The following VPS39 variants were observed in gnomAD, a reference collection of about 807,000 sequenced individuals.
VPS39 encodes the protein VPS39 subunit of HOPS complex.
A neutral mutation model predicts 121.0 loss-of-function variants in VPS39; 70 were observed. That is an observed-to-expected ratio of 0.58 (90% CI 0.48 to 0.71). The LOEUF (loss-of-function observed/expected upper bound fraction) is 0.71, where lower values mean the gene tolerates loss of function less well. Ranked by LOEUF, VPS39 falls within the 30% of genes least tolerant of loss-of-function variation. VPS39 has a pLI of 0.00. For synonymous variants in VPS39, 378 were observed against 398.1 expected (o/e 0.95, Z 0.60); for missense variants, 818 against 1,051.5 (o/e 0.78, Z 3.07).
At chr15:42,188,116 G>A (rs1167312952) in intron 5 of VPS39, among the ~76,000 whole-genome samples, 1 of 152,154 alleles carries the variant, frequency 6.6e-6, no homozygotes, top group Non-Finnish European at 1.5e-5. Context: ...ACAATTCAGA[G>A]GAGAAAATCC....
rs1453874414 is a variant in VPS39 at position 42,173,838 on chromosome 15, ATCATC to A, written c.970_974del (p.Asp324PhefsTer2). ...TTTGTTGCTGCTTTTCACTGTCAGA[ATCATC>A]TTTCATTTCCTAATAACGGAGCAGA... On this transcript the variant is annotated frameshift_variant, in exon 11 of 25. Transcript: ENST00000318006. LOFTEE classifies it high-confidence loss of function. 1 of 1,614,216 alleles carries A rather than the reference ATCATC, an allele frequency of 6.2e-7. No homozygotes were observed. Among genetic ancestry groups the A allele is most frequent in the Non-Finnish European group, 8.5e-7 (1 of 1,180,016 alleles).
At position 42,166,778 on chromosome 15, in the gene VPS39, C is replaced by T. The variant is rs375062335; in HGVS notation, c.1513G>A (p.Glu505Lys). The T allele has an allele frequency of 6.2e-6, 10 of 1,614,080 alleles. No individual in the cohort carries two copies. Among genetic ancestry groups the T allele is most frequent in the Non-Finnish European group, 8.5e-6 (10 of 1,179,928 alleles). Residue 505 changes from glutamate to lysine, a missense_variant, in exon 14 of 25, where the codon GAG becomes AAG. Coordinates refer to ENST00000318006, the MANE Select transcript of VPS39 (RefSeq NM_015289.5). ...CAAGGAACCACTCCCACACCTTTCT[C>T]GTGGAGCCCCTTCTTCTCATACAGG... ...IILYEKKGLH[E>K]KALQVLVDQS...
At chr15:42,198,997 G>A (rs2050005625) in intron 2 of VPS39, among the ~76,000 whole-genome samples, 1 of 152,200 alleles carries the variant, frequency 6.6e-6, no homozygotes, top group African/African-American at 2.4e-5. Flanking sequence ...GAGTGCACTA[G>A]TAAGGTGCTT....
intron 2 of VPS39, among the ~76,000 whole-genome samples, chr15:42,197,482 G>A (rs2049967108): frequency 6.6e-6 from 1 of 152,082 alleles, no homozygotes; most frequent in Admixed American, 6.5e-5. Context: ...GAACCCAGGA[G>A]GTTGAGGCTG....
Position 42,159,228 on chromosome 15 carries a change from G to A in VPS39, c.*1526C>T, listed in dbSNP as rs757695340. On this transcript the variant is annotated 3_prime_UTR_variant, in exon 25 of 25. Transcript: ENST00000318006. ...ACTGTCTCTTCAGGCCCCCACGGAC[G>A]GCATGCCTGGGGAAGCCTAGTCTAC... The A allele has an allele frequency of 6.6e-6, 1 of 152,232 alleles. No individual in the cohort carries two copies. The highest frequency in any genetic ancestry group is 2.4e-5 in the African/African-American group (1 of 41,422). The allele number at this position is 152,232 out of a possible 1,614,324, so 9.4% of individuals were successfully genotyped here.
intron 10 of VPS39, among the ~76,000 whole-genome samples, chr15:42,175,479 C>T (rs751484926): frequency 1.3e-5 from 2 of 152,054 alleles, no homozygotes; most frequent in Non-Finnish European, 1.5e-5. Context: ...GGGAAAGGTC[C>T]TATTCTCAGT....
intron 7 of VPS39, 79 bp downstream of exon 7, chr15:42,187,192 C>T (rs2049720690): frequency 2.6e-6 from 3 of 1,134,386 alleles, no homozygotes; most frequent in African/African-American, 1.6e-5. Flanking sequence ...TTAAAGTGGT[C>T]GCTTGACCTG....
At chr15:42,190,992 T>C in intron 4 of VPS39, 133 bp downstream of exon 4, 1 of 937,620 alleles carries the variant, frequency 1.1e-6, no homozygotes. Flanking sequence ...ATTAACCATG[T>C]ACCCTGTTAT....
intron 8 of VPS39, 38 bp downstream of exon 8, chr15:42,184,479 A>C (rs2049657308): frequency 6.4e-7 from 1 of 1,556,050 alleles, no homozygotes; most frequent in Non-Finnish European, 8.7e-7. Context: ...ACACAACCTC[A>C]ACCCAAAGTG....
intron 11 of VPS39, among the ~76,000 whole-genome samples, chr15:42,171,277 G>C (rs1017074739): frequency 2.0e-5 from 3 of 152,194 alleles, no homozygotes; most frequent in Non-Finnish European, 4.4e-5. Flanking sequence ...CCAGAAACAG[G>C]ATATGAGATT....
intron 18 of VPS39, 109 bp downstream of exon 18, chr15:42,164,887 C>T: frequency 1.3e-6 from 2 of 1,524,068 alleles, no homozygotes; most frequent in South Asian, 2.6e-5. Context: ...AACTTCTGCG[C>T]ACCTGGGCAG....
chr15:42,197,510 G>A lies in VPS39; in HGVS notation c.139+2386C>T, dbSNP rs1006757173. ...TGAGGCTGCAGTGAGCCAAGATAGC[G>A]CCACTACACTCCAGCCTAGGCGACA... On this transcript the variant is annotated intron_variant, in intron 2 of 24. Transcript: ENST00000318006. 2.6e-5 allele frequency among the ~76,000 whole-genome samples: 4 copies of A among 151,936 alleles called. 1 individual carries two copies. The highest frequency in any genetic ancestry group is 2.1e-4 in the South Asian group (1 of 4,820).
At chr15:42,192,790 T>A (rs577968284) in intron 2 of VPS39, among the ~76,000 whole-genome samples, 1 of 152,316 alleles carries the variant, frequency 6.6e-6, no homozygotes, top group Admixed American at 6.5e-5. Flanking sequence ...TTGTTTTGTT[T>A]TTTTTTGAGA....
intron 2 of VPS39, among the ~76,000 whole-genome samples, chr15:42,193,533 T>A (rs28824024): frequency 8.5e-5 from 13 of 152,136 alleles, no homozygotes; most frequent in Non-Finnish European, 1.6e-4. Flanking sequence ...TGGTCTACCT[T>A]ACACTTTGAA....
In VPS39 at chr15:42,162,447, G is replaced by A; in HGVS notation, c.2210C>T (p.Pro737Leu). ...YLSLLRMYLS[P>L]PSIHCLGPIK... ...TGGCCCCAGGCAGTGAATGCTGGGG[G>A]GCGACAGGTACATCCGAAGCAGGGA... The change falls in exon 22 of 25, where the codon CCC (proline) becomes CTC (leucine). Residue 737 changes from proline to leucine, a missense_variant. Physicochemically the swap from Pro to Leu is moderately conservative, Grantham distance 98 (BLOSUM62 -3). Transcript: ENST00000318006. 1 of 1,611,988 alleles carries A rather than the reference G, an allele frequency of 6.2e-7. No individual in the cohort carries two copies. Among genetic ancestry groups the A allele is most frequent in the Non-Finnish European group, 8.5e-7 (1 of 1,178,674 alleles).
intron 10 of VPS39, among the ~76,000 whole-genome samples, chr15:42,176,231 T>C (rs1346970094): frequency 2.0e-5 from 3 of 152,184 alleles, no homozygotes; most frequent in Admixed American, 2.0e-4. Context: ...CTCTGAGACC[T>C]TTCTGCTAAG....
At chr15:42,206,487 G>C (rs1036062051) in intron 1 of VPS39, among the ~76,000 whole-genome samples, 8 of 152,184 alleles carry the variant, frequency 5.3e-5, no homozygotes, top group African/African-American at 1.4e-4. Flanking sequence ...AACCACAGGT[G>C]CAAGGAATCT....
rs1428748135 is a variant in VPS39 at position 42,166,873 on chromosome 15, T to C, written c.1418A>G (p.Asn473Ser). 1.9e-6 allele frequency: 3 copies of C among 1,614,132 alleles called. No homozygotes were observed. Among genetic ancestry groups the C allele is most frequent in the African/African-American group, 1.3e-5 (1 of 74,946 alleles). ...GCTCTCCTCGATGTGGCAGTGATTGTTCTCCAGGCGTAGCAAGGGGGCCAC... is the reference window on the plus strand; with the variant it reads ...GCTCTCCTCGATGTGGCAGTGATTGCTCTCCAGGCGTAGCAAGGGGGCCAC... ...ALVAPLLRLE[N>S]NHCHIEESEH... The change falls in exon 14 of 25, where the codon AAC becomes AGC. Residue 473 changes from asparagine to serine, a missense_variant. Physicochemically the swap from Asn to Ser is conservative, Grantham distance 46 (BLOSUM62 1). Coordinates refer to ENST00000318006, the MANE Select transcript of VPS39 (RefSeq NM_015289.5).
chr15:42,167,448 G>A lies in VPS39; in HGVS notation c.1323C>T (p.Ser441=), dbSNP rs774415397. The A allele has an allele frequency of 1.2e-6, 2 of 1,614,010 alleles. No homozygotes were observed. The highest frequency in any genetic ancestry group is 1.7e-5 in the Admixed American group (1 of 59,986). Residue 441 remains serine, a synonymous_variant, in exon 13 of 25, where the codon TCC becomes TCT. Transcript: ENST00000318006. ...CGATGATTTGTAGCAGCTTCTTCTT[G>A]GATTTGATGGTGGGAGTGCCTTCCA... is the stretch of plus-strand genomic sequence containing the variant. The part of the protein sequence containing the change: ...PLMEGTPTIK[S]KKKLLQIIDT...
Sources: allele counts gnomAD v4.1 joint callset (sites outside exome capture counted in the v4.1 genomes callset), GRCh38; gene constraint gnomAD v4.1.1; transcripts MANE v1.5; gene names NCBI Gene and HGNC (gene_info 2026-07-23, HGNC 2026-07-21).